The following CDH23 variants were observed in gnomAD, a reference collection of about 807,000 sequenced individuals.
CDH23 encodes cadherin-23.
CDH23 carries 189 observed loss-of-function variants against 317.1 expected under a neutral mutation model. That is an observed-to-expected ratio of 0.60 (90% CI 0.53 to 0.67). CDH23 has a LOEUF of 0.67. CDH23 is among the 30% of genes least tolerant of loss of function. The pLI, the probability that CDH23 is intolerant of heterozygous loss-of-function variation, is 0.00. For missense variants in CDH23, 4,401 were observed against 4,592.4 expected (o/e 0.96, Z 1.20); for synonymous variants, 1,839 against 1,876.8 (o/e 0.98, Z 0.52).
chr10:71,403,999 G>C (rs1847980454), intron 1 of CDH23, among the ~76,000 whole-genome samples: 1 of 152,218 alleles, frequency 6.6e-6, no homozygotes, highest in African/African-American at 2.4e-5. Context: ...AACTGAGGCA[G>C]GAGAATCTCT....
At chr10:71,719,210 G>T (rs556098291) in intron 28 of CDH23, among the ~76,000 whole-genome samples, 4 of 152,340 alleles carry the variant, frequency 2.6e-5, no homozygotes, top group African/African-American at 9.6e-5. Context: ...AAGTCCAGCT[G>T]CCAGGCCCCT....
At chr10:71,646,245 C>T (rs1054780332) in intron 13 of CDH23, among the ~76,000 whole-genome samples, 1 of 152,216 alleles carries the variant, frequency 6.6e-6, no homozygotes, top group African/African-American at 2.4e-5. Flanking sequence ...CCTGCCAGAT[C>T]AGCCCCTGCT....
intron 1 of CDH23, among the ~76,000 whole-genome samples, chr10:71,429,864 T>C (rs1039370601): frequency 6.6e-6 from 1 of 152,232 alleles, no homozygotes; most frequent in African/African-American, 2.4e-5. Flanking sequence ...GTGGGTCTTC[T>C]GGCAGCAGGA....
At chr10:71,764,465 T>C (rs141949531) in intron 38 of CDH23, among the ~76,000 whole-genome samples, 12 of 152,328 alleles carry the variant, frequency 7.9e-5, no homozygotes, top group Non-Finnish European at 1.3e-4. Context: ...ACATATTTCA[T>C]TGGATCCTCA....
chr10:71,614,518 G>C (rs986859245), intron 9 of CDH23, among the ~76,000 whole-genome samples: 1 of 152,224 alleles, frequency 6.6e-6, no homozygotes, highest in African/African-American at 2.4e-5. Flanking sequence ...GCGTTGGCCA[G>C]GTACCTTAAG....
intron 47 of CDH23, among the ~76,000 whole-genome samples, chr10:71,792,066 C>T (rs774100208): frequency 1.3e-5 from 2 of 152,056 alleles, no homozygotes; most frequent in African/African-American, 4.8e-5. Flanking sequence ...TATAAAGCTA[C>T]AGTATTTAAG....
Position 71,595,580 on chromosome 10 carries a change from C to T in CDH23, c.832+17588C>T, listed in dbSNP as rs568935937. Among the ~76,000 whole-genome samples the T allele has an allele frequency of 4.2e-4, 64 of 152,322 alleles. No individual in the cohort carries two copies. In the South Asian group the frequency reaches 0.013, roughly 31 times the overall value. ...CTCTTTGACATTCTTTCCTTCCCCC[C>T]ATGGTAACCACTGAATCCCTGGGAA... On this transcript the variant is annotated intron_variant, in intron 9 of 69. Transcript: ENST00000224721.
Position 71,704,925 on chromosome 10 carries a change from C to T in CDH23, c.2748C>T (p.Asp916=), listed in dbSNP as rs1213455464. Residue 916 remains aspartate (D), a synonymous_variant, in exon 25 of 70, where the codon GAC becomes GAT. Coordinates refer to ENST00000224721, the MANE Select transcript of CDH23 (RefSeq NM_022124.6). Reference sequence around the variant, plus strand: ...CTTGCCCTCAGGTGGTGGCCATCGACCTCGATGAGGGCCTGAACGGCCTGG... The same window carrying T: ...CTTGCCCTCAGGTGGTGGCCATCGATCTCGATGAGGGCCTGAACGGCCTGG... ...GVSIYQVVAI[D]LDEGLNGLVS... is the part of the protein sequence containing the mutation. The T allele has an allele frequency of 6.2e-7, 1 of 1,612,552 alleles. No homozygotes were observed. Among genetic ancestry groups the T allele is most frequent in the African/African-American group, 1.3e-5 (1 of 74,934 alleles).
At chr10:71,661,273 G>A (rs1421079057) in intron 14 of CDH23, among the ~76,000 whole-genome samples, 2 of 152,028 alleles carry the variant, frequency 1.3e-5, no homozygotes, top group African/African-American at 2.4e-5. Flanking sequence ...TCCCTCTGCC[G>A]GCCCAGCCTC....
At chr10:71,775,799 A>G (rs1840804502) in intron 38 of CDH23, among the ~76,000 whole-genome samples, 1 of 152,184 alleles carries the variant, frequency 6.6e-6, no homozygotes, top group Non-Finnish European at 1.5e-5. Flanking sequence ...AATAGTGGTG[A>G]AGGCCCCAAA....
intron 9 of CDH23, among the ~76,000 whole-genome samples, chr10:71,604,896 C>G (rs1860438670): frequency 6.6e-6 from 1 of 152,202 alleles, no homozygotes; most frequent in Non-Finnish European, 1.5e-5. Context: ...TTCCTTCATC[C>G]TAGCTGATGT....
chr10:71,558,976 C>T (rs935951616), intron 6 of CDH23, among the ~76,000 whole-genome samples: 3 of 152,138 alleles, frequency 2.0e-5, no homozygotes, highest in African/African-American at 7.2e-5. Flanking sequence ...TAACTCAGAC[C>T]CTCTAGAAAG....
intron 1 of CDH23, among the ~76,000 whole-genome samples, chr10:71,419,536 T>A (rs1274828278): frequency 2.0e-5 from 3 of 152,152 alleles, no homozygotes; most frequent in African/African-American, 7.2e-5. Context: ...TGGTTTTGAA[T>A]TCTCCTAATT....
chr10:71,571,476 T>G (rs1178142900), intron 8 of CDH23, among the ~76,000 whole-genome samples: 2 of 152,218 alleles, frequency 1.3e-5, no homozygotes, highest in Non-Finnish European at 2.9e-5. Flanking sequence ...ATTTTTCTGG[T>G]GTGTTGCAAG....
At chr10:71,602,048 G>C (rs1860260175) in intron 9 of CDH23, among the ~76,000 whole-genome samples, 1 of 152,144 alleles carries the variant, frequency 6.6e-6, no homozygotes, top group Admixed American at 6.5e-5. Flanking sequence ...TTTCTATGAA[G>C]ATAACTGTGT....
At chr10:71,454,420 G>T (rs1335416438) in intron 3 of CDH23, among the ~76,000 whole-genome samples, 2 of 152,196 alleles carry the variant, frequency 1.3e-5, no homozygotes, top group African/African-American at 4.8e-5. Flanking sequence ...CTTCCTGGTT[G>T]CCCGCTGAAG....
At position 71,570,792 on chromosome 10, in the gene CDH23, T is replaced by A; in HGVS notation, c.627T>A (p.Asp209Glu). 1 of 1,609,990 alleles carries A rather than the reference T, an allele frequency of 6.2e-7. No homozygotes were observed. The highest frequency in any genetic ancestry group is 8.5e-7 in the Non-Finnish European group (1 of 1,178,062). The change falls in exon 8 of 70, where the codon GAT becomes GAA. Residue 209 changes from aspartate (D) to glutamate (E), a missense_variant and splice_region_variant. Asp to Glu is a conservative substitution (Grantham distance 45). Around this residue, in one of 3 missense-constraint regions of CDH23, gnomAD observed 3,068 missense variants for 3,203.3 expected, o/e 0.96. Coordinates refer to ENST00000224721, the MANE Select transcript of CDH23 (RefSeq NM_022124.6). ...QAYQLTVNAT[D>E]QDKTRPLSTL... ...GTGTGTTCTCTCCGCTCTCTAAGGATCAAGACAAGACCAGGCCTCTGTCCA... is the reference window on the plus strand; with the variant it reads ...GTGTGTTCTCTCCGCTCTCTAAGGAACAAGACAAGACCAGGCCTCTGTCCA...
At chr10:71,460,895 A>G (rs1284893073) in intron 3 of CDH23, among the ~76,000 whole-genome samples, 1 of 152,172 alleles carries the variant, frequency 6.6e-6, no homozygotes, top group African/African-American at 2.4e-5. Flanking sequence ...CTGTGGACAC[A>G]TCTCTTTGGT....
chr10:71,670,989 TCTCA>T (rs1009836162), intron 14 of CDH23, among the ~76,000 whole-genome samples: 60 of 138,536 alleles, frequency 4.3e-4, no homozygotes, highest in Middle Eastern at 3.9e-3. Context: ...TTTGACAGGG[TCTCA>T]CTGTCACACA....
Sources: allele counts gnomAD v4.1 joint callset (sites outside exome capture counted in the v4.1 genomes callset), GRCh38; gene constraint gnomAD v4.1.1; regional missense constraint gnomAD v4.1.1; transcripts MANE v1.5; gene names NCBI Gene and HGNC (gene_info 2026-07-23, HGNC 2026-07-21).